The following UBR4 variants were observed in gnomAD, a reference collection of about 807,000 sequenced individuals.
UBR4 encodes the protein E3 ubiquitin-protein ligase UBR4.
In UBR4, 124 loss-of-function variants were observed where a neutral mutation model predicts 575.6. That is an observed-to-expected ratio of 0.22 (90% CI 0.19 to 0.25). The LOEUF (loss-of-function observed/expected upper bound fraction) is 0.25, where lower values mean the gene tolerates loss of function less well. UBR4 is among the 10% of genes least tolerant of loss of function. UBR4 has a pLI of 1.00. For missense variants in UBR4, 4,818 were observed against 6,478.8 expected (o/e 0.74, Z 8.80); for synonymous variants, 2,455 against 2,473.7 (o/e 0.99, Z 0.22).
At chr1:19,113,038 T>C in intron 77 of UBR4, 171 bp from the exon 78 acceptor site, 1 of 699,926 alleles carries the variant, frequency 1.4e-6, no homozygotes, top group South Asian at 2.3e-5. Context: ...AGAAGGAAAC[T>C]GAAGCTTGGA....
At chr1:19,086,546 TG>T in intron 100 of UBR4, 132 bp downstream of exon 100, 1 of 1,335,174 alleles carries the variant, frequency 7.5e-7, no homozygotes, top group Non-Finnish European at 1.0e-6. Flanking sequence ...GGGACCTATA[TG>T]GTGTCAGGCA....
At position 19,148,072 on chromosome 1, in the gene UBR4, G is replaced by A; in HGVS notation, c.7550C>T (p.Ala2517Val). Reference sequence around the variant, plus strand: ...GGACTGCTGCTGGACACTGGCAGGTGCTGGCAGGGACAACAGCAAAGTGGC... The same window carrying A: ...GGACTGCTGCTGGACACTGGCAGGTACTGGCAGGGACAACAGCAAAGTGGC... ...ELATLLLSLP[A>V]PASVQQQSKS... Residue 2517 changes from alanine (A) to valine (V), a missense_variant, in exon 51 of 106, where the codon GCA becomes GTA. This residue lies in a region of UBR4 where 340 missense variants were observed against 375.4 expected (regional missense o/e 0.91). Transcript: ENST00000375254. 2 of 1,611,520 alleles carry A rather than the reference G, an allele frequency of 1.2e-6. No individual in the cohort carries two copies. The highest frequency in any genetic ancestry group is 1.7e-6 in the Non-Finnish European group (2 of 1,179,936).
At position 19,152,053 on chromosome 1, in the gene UBR4, T is replaced by C. The variant is rs924979612; in HGVS notation, c.6997-194A>G. ...AGCAGATTCTCTTCAATGTCAGGCT[T>C]CCTTCTCCCCAGTATTAACCACCTC... On this transcript the variant is annotated intron_variant, in intron 47 of 105. Coordinates refer to ENST00000375254, the MANE Select transcript of UBR4 (RefSeq NM_020765.3). The surrounding 1 kb of genome is among the most constrained non-coding windows in gnomAD (Gnocchi z 4.4). Among the ~76,000 whole-genome samples, 1 of 152,232 alleles carries C rather than the reference T, an allele frequency of 6.6e-6. No individual in the cohort carries two copies. The highest frequency in any genetic ancestry group is 1.5e-5 in the Non-Finnish European group (1 of 68,048).
chr1:19,086,124 T>G (rs1439351459), intron 101 of UBR4, 21 bp downstream of exon 101: 1 of 1,612,536 alleles, frequency 6.2e-7, no homozygotes, highest in Non-Finnish European at 8.5e-7. Context: ...CATTCCACCA[T>G]GAAAAATACT....
rs1186051879 is a variant in UBR4 at position 19,138,001 on chromosome 1, C to A, written c.8906+6G>T. 4 of 1,529,656 alleles carry A rather than the reference C, an allele frequency of 2.6e-6. No homozygotes were observed. The African/African-American group carries it at 5.5e-5, about 21-fold the overall frequency. The allele number at this position is 1,529,656 out of a possible 1,614,324, so 94.8% of individuals were successfully genotyped here. A position where few individuals can be genotyped will look rare whatever the true frequency, so the allele number is the denominator to read the frequency against. On this transcript the variant is annotated splice_donor_region_variant and intron_variant, in intron 60 of 105. Transcript: ENST00000375254. ...GCCTCTTAACTGTGAAGGACTAGGT[C>A]TTGACCTGTTGCTAGTGTGGACATC...
chr1:19,206,018 C>T (rs556132735), intron 1 of UBR4, among the ~76,000 whole-genome samples: 8 of 152,342 alleles, frequency 5.3e-5, no homozygotes, highest in Admixed American at 3.3e-4. Context: ...TGTACCTTAA[C>T]AGAGAAGGCT....
intron 60 of UBR4, among the ~76,000 whole-genome samples, chr1:19,135,704 T>A (rs763471672): frequency 2.0e-5 from 3 of 152,028 alleles, no homozygotes; most frequent in Non-Finnish European, 4.4e-5. Flanking sequence ...CTAAGAGACA[T>A]GAAGAAGAGA....
In UBR4 at chr1:19,166,736, A is replaced by G. The variant is rs1175183262; in HGVS notation, c.4109+286T>C. Among the ~76,000 whole-genome samples, 13 of 102,978 alleles carry G rather than the reference A, an allele frequency of 1.3e-4. No individual in the cohort carries two copies. The East Asian group carries it at 2.8e-3, about 22-fold the overall frequency. The allele number at this position is 102,978 out of a possible 152,430, so 67.6% of individuals were successfully genotyped here. A position where few individuals can be genotyped will look rare whatever the true frequency, so the allele number is the denominator to read the frequency against. On this transcript the variant is annotated intron_variant, in intron 29 of 105. Coordinates refer to ENST00000375254, the MANE Select transcript of UBR4 (RefSeq NM_020765.3). Reference sequence around the variant, plus strand: ...TACCAAAAAAAAAAAAAAAAAAAAAAAAAAAAAAAAAAAAAAAAAACCAGC... The same window carrying G: ...TACCAAAAAAAAAAAAAAAAAAAAAGAAAAAAAAAAAAAAAAAAAACCAGC...
At position 19,112,556 on chromosome 1, in the gene UBR4, C is replaced by T. The variant is rs1422680646; in HGVS notation, c.11769G>A (p.Glu3923=). 4.3e-6 allele frequency: 7 copies of T among 1,613,526 alleles called. No homozygotes were observed. Among genetic ancestry groups the T allele is most frequent in the African/African-American group, 1.3e-5 (1 of 74,948 alleles). The change falls in exon 78 of 106, where the codon GAG becomes GAA. Residue 3923 remains glutamate, a synonymous_variant. Coordinates refer to ENST00000375254, the MANE Select transcript of UBR4 (RefSeq NM_020765.3). ...GGAGGCACATGAGCTGGCGGACCTC[C>T]TCCCGCATGGCCGCAGCCCCTCGGC... is the stretch of plus-strand genomic sequence containing the variant. ...NLRRGAAAMR[E]EVRQLMCLLT... is the part of the protein sequence containing the mutation.
intron 62 of UBR4, 22 bp from the exon 63 acceptor site, chr1:19,127,761 C>A: frequency 6.3e-7 from 1 of 1,593,222 alleles, no homozygotes; most frequent in Non-Finnish European, 8.6e-7. Flanking sequence ...AGCGTAAGTC[C>A]AGAAACCTCT....
In UBR4 at chr1:19,156,634, T is replaced by G. The variant is rs2150396137; in HGVS notation, c.5919+133A>C. On this transcript the variant is annotated intron_variant, in intron 41 of 105. Transcript: ENST00000375254. Reference sequence around the variant, plus strand: ...GATCTGGGAGAAATTCAAAGAAAAATTCCTTTTGCATTTCAGTAGGTTTTA... The same window carrying G: ...GATCTGGGAGAAATTCAAAGAAAAAGTCCTTTTGCATTTCAGTAGGTTTTA... 2.2e-6 allele frequency: 3 copies of G among 1,391,910 alleles called. No homozygotes were observed. In the East Asian group the frequency reaches 7.0e-5, roughly 32 times the overall value. The allele number at this position is 1,391,910 out of a possible 1,614,324, so 86.2% of individuals were successfully genotyped here.
chr1:19,121,450 A>T lies in UBR4; in HGVS notation c.9896-16T>A. 1.2e-6 allele frequency: 2 copies of T among 1,608,754 alleles called. 1 individual carries two copies. The highest frequency in any genetic ancestry group is 2.2e-5 in the South Asian group (2 of 90,676). On this transcript the variant is annotated splice_polypyrimidine_tract_variant and intron_variant, in intron 67 of 105. Coordinates refer to ENST00000375254, the MANE Select transcript of UBR4 (RefSeq NM_020765.3). ...TACAGGACGGCTGCAAGCAGAGGAG[A>T]CAGAGGCTCACCTCTGAGACGACCT...
At chr1:19,177,432 G>A (rs764637647) in intron 19 of UBR4, 29 bp downstream of exon 19, 1 of 1,603,340 alleles carries the variant, frequency 6.2e-7, no homozygotes, top group Non-Finnish European at 8.5e-7. Flanking sequence ...CAGTAATGGT[G>A]AAGCAAAAAA....
chr1:19,093,355 T>G lies in UBR4; in HGVS notation c.14069A>C (p.Asn4690Thr). 1 of 1,614,182 alleles carries G rather than the reference T, an allele frequency of 6.2e-7. No individual in the cohort carries two copies. The highest frequency in any genetic ancestry group is 8.5e-7 in the Non-Finnish European group (1 of 1,180,036). The change falls in exon 96 of 106, where the codon AAT becomes ACT. Residue 4690 changes from asparagine (N) to threonine (T), a missense_variant. By Grantham distance (65) the Asn-to-Thr change is moderately conservative. This residue lies in a region of UBR4 where 39 missense variants were observed against 37.5 expected (regional missense o/e 1.04). Transcript: ENST00000375254. The surrounding 1 kb of genome is among the most constrained non-coding windows in gnomAD (Gnocchi z 4.8). ...DLILQKGITQ[N>T]ALDYMKKHIP... ...GTGCTTTTTCATGTAGTCAAGTGCA[T>G]TCTGGGTGATCCCCTTCTGGAGAAT...
At chr1:19,197,526 G>T (rs2092532903) in intron 7 of UBR4, 144 bp downstream of exon 7, 2 of 1,224,866 alleles carry the variant, frequency 1.6e-6, no homozygotes, top group Admixed American at 4.5e-5. Context: ...CTACTCAGGA[G>T]GCTGAGGTGG....
intron 67 of UBR4, 98 bp from the exon 68 acceptor site, chr1:19,121,532 C>T: frequency 6.9e-7 from 1 of 1,440,802 alleles, no homozygotes. Flanking sequence ...CTGCCCTGTT[C>T]TCACCAGCTT....
chr1:19,135,371 T>C (rs1570937590), intron 60 of UBR4, among the ~76,000 whole-genome samples: 1 of 152,252 alleles, frequency 6.6e-6, no homozygotes, highest in East Asian at 1.9e-4. Context: ...TTTTCTTCAA[T>C]ACTGCCTTGG....
intron 96 of UBR4, 72 bp from the exon 97 acceptor site, chr1:19,092,990 G>T: frequency 7.1e-7 from 1 of 1,408,280 alleles, no homozygotes; most frequent in Non-Finnish European, 9.9e-7. Flanking sequence ...TGTTGACTCT[G>T]GCTTGTTTAA....
chr1:19,114,681 C>G (rs1047504831), intron 75 of UBR4, 130 bp downstream of exon 75: 24 of 1,187,744 alleles, frequency 2.0e-5, no homozygotes, highest in Non-Finnish European at 2.7e-5. Context: ...CACCCAAAAG[C>G]TGGGCCCTGA....
Sources: allele counts gnomAD v4.1 joint callset (sites outside exome capture counted in the v4.1 genomes callset), GRCh38; gene constraint gnomAD v4.1.1; regional missense constraint gnomAD v4.1.1; non-coding constraint Gnocchi (gnomAD v3.1); transcripts MANE v1.5; gene names NCBI Gene and HGNC (gene_info 2026-07-23, HGNC 2026-07-21).